Variants in SDC2 observed in about 807,000 individuals in gnomAD.
SDC2 encodes the protein syndecan 2.
SDC2 carries 13 observed loss-of-function variants against 22.2 expected under a neutral mutation model. The ratio of observed to expected loss-of-function variants is 0.59; its 90% CI spans 0.38 to 0.93. The LOEUF (loss-of-function observed/expected upper bound fraction) is 0.93. Among genes scored for constraint, SDC2 ranks in the 40% least tolerant of loss-of-function variants. The pLI, the probability that SDC2 is intolerant of heterozygous loss-of-function variation, is 0.00. For synonymous variants in SDC2, 94 were observed against 92.8 expected, an observed-to-expected ratio of 1.01 and a Z score of -0.07; for missense variants, 235 against 246.8, an observed-to-expected ratio of 0.95 and a Z score of 0.32.
chr8:96,516,596 C>G (rs111889266), intron 1 of SDC2, among the ~76,000 whole-genome samples: 1 of 151,962 alleles, frequency 6.6e-6, no homozygotes, highest in African/African-American at 2.4e-5. Flanking sequence ...ATTCCACTCA[C>G]TTCAAGGCCT....
At chr8:96,583,725 ATATATG>A (rs1814634847) in intron 1 of SDC2, among the ~76,000 whole-genome samples, 2 of 149,810 alleles carry the variant, frequency 1.3e-5, no homozygotes, top group African/African-American at 4.9e-5. Flanking sequence ...GTGTATATAT[ATATATG>A]AGAAATTGCA....
intron 1 of SDC2, among the ~76,000 whole-genome samples, chr8:96,575,681 T>A (rs979870467): frequency 3.3e-5 from 5 of 152,122 alleles, no homozygotes; most frequent in African/African-American, 1.2e-4. Flanking sequence ...TTCCCCCCAC[T>A]CACTTGTTCA....
intron 2 of SDC2, among the ~76,000 whole-genome samples, chr8:96,597,454 C>G (rs1814897096): frequency 6.6e-6 from 1 of 152,216 alleles, no homozygotes; most frequent in Admixed American, 6.5e-5. Flanking sequence ...CTCAAAGCTT[C>G]TAGTCCTCTT....
chr8:96,520,971 G>A (rs770975102), intron 1 of SDC2, among the ~76,000 whole-genome samples: 12 of 152,176 alleles, frequency 7.9e-5, no homozygotes, highest in Non-Finnish European at 1.6e-4. Flanking sequence ...GAAGGAAACG[G>A]ATTGTAGAAT....
intron 1 of SDC2, among the ~76,000 whole-genome samples, chr8:96,538,039 T>G (rs1178547545): frequency 6.6e-6 from 1 of 152,244 alleles, no homozygotes; most frequent in Non-Finnish European, 1.5e-5. Flanking sequence ...CTCGGCTCAC[T>G]GCAACCTCCA....
chr8:96,512,930 AGAT>A (rs1394778773), intron 1 of SDC2, among the ~76,000 whole-genome samples: 1 of 152,190 alleles, frequency 6.6e-6, no homozygotes, highest in Non-Finnish European at 1.5e-5. Context: ...AGTGTTGGAG[AGAT>A]GATGAATTGA....
chr8:96,518,732 G>T (rs551869532), intron 1 of SDC2, among the ~76,000 whole-genome samples: 1 of 152,136 alleles, frequency 6.6e-6, no homozygotes, highest in Non-Finnish European at 1.5e-5. Context: ...TCTTGGGTCC[G>T]TGGGAATTTA....
chr8:96,500,568 AG>A, intron 1 of SDC2, among the ~76,000 whole-genome samples: 1 of 150,106 alleles, frequency 6.7e-6, no homozygotes, highest in South Asian at 2.1e-4. Flanking sequence ...AGGCTGAGGC[AG>A]GAGAATTGCT....
At chr8:96,605,176 A>T (rs766643344) in intron 3 of SDC2, among the ~76,000 whole-genome samples, 19 of 152,196 alleles carry the variant, frequency 1.2e-4, no homozygotes, top group Non-Finnish European at 2.1e-4. Flanking sequence ...TGTAATAATA[A>T]TGGGACAAAG....
At chr8:96,581,611 G>A (rs897245525) in intron 1 of SDC2, among the ~76,000 whole-genome samples, 3 of 150,230 alleles carry the variant, frequency 2.0e-5, no homozygotes, top group Non-Finnish European at 4.4e-5. Flanking sequence ...CAGCCTGGGC[G>A]ACAGAGCGAG....
At chr8:96,527,360 T>G (rs764052104) in intron 1 of SDC2, among the ~76,000 whole-genome samples, 2 of 152,194 alleles carry the variant, frequency 1.3e-5, no homozygotes, top group Non-Finnish European at 2.9e-5. Flanking sequence ...ACAGACATCA[T>G]AGGAGACTCC....
At chr8:96,514,205 G>C (rs1230481320) in intron 1 of SDC2, among the ~76,000 whole-genome samples, 1 of 152,150 alleles carries the variant, frequency 6.6e-6, no homozygotes. Context: ...GACTCTGACA[G>C]GTACTTTAAC....
chr8:96,598,029 C>T (rs1269030461), intron 2 of SDC2, among the ~76,000 whole-genome samples: 1 of 152,172 alleles, frequency 6.6e-6, no homozygotes, highest in Non-Finnish European at 1.5e-5. Context: ...GGTCTCAGTT[C>T]TGGAGGCTGG....
intron 1 of SDC2, among the ~76,000 whole-genome samples, chr8:96,500,807 GTGAATGCCTC>G (rs202062373): frequency 0.019 from 2,952 of 152,290 alleles, 32 homozygotes; most frequent in South Asian, 0.055. Flanking sequence ...GGATGGAGGG[GTGAATGCCTC>G]TGAATGGGAG....
At chr8:96,608,055 T>C (rs111848448) in intron 3 of SDC2, among the ~76,000 whole-genome samples, 77 of 152,220 alleles carry the variant, frequency 5.1e-4, no homozygotes, top group African/African-American at 1.9e-3. Context: ...TCTTAGGAAA[T>C]GTCCACTAAA....
chr8:96,538,687 A>G (rs887482752), intron 1 of SDC2: 13 of 152,250 alleles, frequency 8.5e-5, no homozygotes, highest in Admixed American at 5.2e-4. Flanking sequence ...CCATGCTCTG[A>G]TATTTCAGAA....
At chr8:96,587,286 C>T (rs1353162630) in intron 1 of SDC2, among the ~76,000 whole-genome samples, 2 of 152,088 alleles carry the variant, frequency 1.3e-5, no homozygotes, top group African/African-American at 2.4e-5. Context: ...CATGTGTGAC[C>T]TCACTTTTGA....
At chr8:96,549,457 G>A (rs1485345717) in intron 1 of SDC2, among the ~76,000 whole-genome samples, 4 of 152,150 alleles carry the variant, frequency 2.6e-5, no homozygotes, top group Admixed American at 6.5e-5. Flanking sequence ...TTTGAGAACT[G>A]TCCAGTGACT....
intron 1 of SDC2, among the ~76,000 whole-genome samples, chr8:96,585,827 T>C (rs902076062): frequency 6.6e-6 from 1 of 151,984 alleles, no homozygotes; most frequent in Non-Finnish European, 1.5e-5. Flanking sequence ...CAAGTTTAGA[T>C]GTGCCAAGTA....
Sources: gnomAD v4.1 joint callset for allele counts (sites outside exome capture counted in the v4.1 genomes callset) on GRCh38, gnomAD v4.1.1 for gene constraint, MANE v1.5 for transcripts, NCBI Gene and HGNC (gene_info 2026-07-23, HGNC 2026-07-21) for gene names.